Variants in CRPPA observed in about 807,000 individuals in gnomAD.
CRPPA encodes the protein D-ribitol-5-phosphate cytidylyltransferase.
A neutral mutation model predicts 52.0 loss-of-function variants in CRPPA; 43 were observed. The ratio of observed to expected loss-of-function variants is 0.83; its 90% confidence interval spans 0.65 to 1.07. The LOEUF (loss-of-function observed/expected upper bound fraction) is 1.07, where lower values mean the gene tolerates loss of function less well. Among genes scored for constraint, CRPPA ranks in the 50% least tolerant of loss-of-function variants. CRPPA has a pLI of 0.00. For synonymous variants in CRPPA, 250 were observed against 203.5 expected, an observed-to-expected ratio of 1.23 and a Z score of -1.94; for missense variants, 629 against 551.7, an observed-to-expected ratio of 1.14 and a Z score of -1.40.
intron 9 of CRPPA, among the ~76,000 whole-genome samples, chr7:16,201,159 A>G (rs540832280): frequency 3.2e-4 from 48 of 152,338 alleles, no homozygotes; most frequent in African/African-American, 1.1e-3. Context: ...TTCATAAAAT[A>G]TAGCATTTGA....
At chr7:16,191,192 T>C (rs1289302287) in intron 9 of CRPPA, among the ~76,000 whole-genome samples, 1 of 152,098 alleles carries the variant, frequency 6.6e-6, no homozygotes, top group Non-Finnish European at 1.5e-5. Context: ...GATCTACTTT[T>C]AGAAGAACCA....
chr7:16,189,884 T>G (rs1340542587), intron 9 of CRPPA, among the ~76,000 whole-genome samples: 2 of 152,200 alleles, frequency 1.3e-5, no homozygotes, highest in African/African-American at 2.4e-5. Flanking sequence ...AATATGTCAT[T>G]GCTTTAGTCT....
At chr7:16,097,661 G>A (rs1781961648) in intron 9 of CRPPA, among the ~76,000 whole-genome samples, 3 of 152,156 alleles carry the variant, frequency 2.0e-5, no homozygotes, top group African/African-American at 7.2e-5. Context: ...CTTTTGTGAT[G>A]ACTATATCCA....
chr7:16,336,813 A>C (rs1176213588), intron 3 of CRPPA, among the ~76,000 whole-genome samples: 3 of 152,144 alleles, frequency 2.0e-5, no homozygotes, highest in African/African-American at 7.2e-5. Flanking sequence ...ACATGAATAA[A>C]AAACAAAAGA....
chr7:16,266,616 T>A (rs1783960465), intron 6 of CRPPA, among the ~76,000 whole-genome samples: 1 of 151,950 alleles, frequency 6.6e-6, no homozygotes, highest in Non-Finnish European at 1.5e-5. Flanking sequence ...GTAGCTGGGA[T>A]TACAGGTGCT....
intron 9 of CRPPA, among the ~76,000 whole-genome samples, chr7:16,166,295 T>C (rs1205118493): frequency 6.6e-6 from 1 of 152,142 alleles, no homozygotes; most frequent in East Asian, 1.9e-4. Flanking sequence ...CTTTTTTTTT[T>C]TTGAGATAGA....
chr7:16,117,914 G>GTGAC (rs1407517864), intron 9 of CRPPA, among the ~76,000 whole-genome samples: 1 of 152,148 alleles, frequency 6.6e-6, no homozygotes, highest in Non-Finnish European at 1.5e-5. Flanking sequence ...GAGTCCTAGA[G>GTGAC]TGACTGTCTC....
chr7:16,164,091 C>A (rs550279464), intron 9 of CRPPA, among the ~76,000 whole-genome samples: 13 of 152,270 alleles, frequency 8.5e-5, no homozygotes, highest in African/African-American at 3.1e-4. Flanking sequence ...TGGATAATAT[C>A]CTGAAATGTG....
chr7:16,102,878 AT>A (rs1406247393), intron 9 of CRPPA, among the ~76,000 whole-genome samples: 1 of 152,186 alleles, frequency 6.6e-6, no homozygotes, highest in Non-Finnish European at 1.5e-5. Context: ...TAGTTCAACC[AT>A]TGTGGAAGAC....
intron 9 of CRPPA, among the ~76,000 whole-genome samples, chr7:16,165,241 T>C (rs916379142): frequency 1.2e-4 from 18 of 150,486 alleles, no homozygotes; most frequent in African/African-American, 3.9e-4. Context: ...AAAAAAAACA[T>C]TTTGGACATT....
intron 9 of CRPPA, among the ~76,000 whole-genome samples, chr7:16,187,505 C>T (rs1011579633): frequency 6.6e-6 from 1 of 152,188 alleles, no homozygotes; most frequent in Admixed American, 6.5e-5. Flanking sequence ...CTAACTTTTG[C>T]TTGTCAATAA....
At chr7:16,148,945 G>A (rs1174137275) in intron 9 of CRPPA, among the ~76,000 whole-genome samples, 1 of 152,046 alleles carries the variant, frequency 6.6e-6, no homozygotes, top group Non-Finnish European at 1.5e-5. Context: ...TGTACATTAT[G>A]TATTAACTAA....
intron 8 of CRPPA, among the ~76,000 whole-genome samples, chr7:16,219,657 A>T (rs1396229419): frequency 8.8e-6 from 1 of 113,048 alleles, no homozygotes; most frequent in South Asian, 3.0e-4. Context: ...AGAGAATACT[A>T]CAAACACCTC....
intron 9 of CRPPA, among the ~76,000 whole-genome samples, chr7:16,106,531 AGGT>A (rs1221308058): frequency 6.6e-6 from 1 of 152,178 alleles, no homozygotes; most frequent in Non-Finnish European, 1.5e-5. Flanking sequence ...TTTGAGCAAA[AGGT>A]GGTGACTCAG....
At chr7:16,144,864 C>CCTG (rs1782943821) in intron 9 of CRPPA, among the ~76,000 whole-genome samples, 1 of 152,162 alleles carries the variant, frequency 6.6e-6, no homozygotes, top group Admixed American at 6.5e-5. Flanking sequence ...AGGTAAAATA[C>CCTG]CTGTGTCAGT....
intron 3 of CRPPA, among the ~76,000 whole-genome samples, chr7:16,370,420 T>C (rs1786718248): frequency 6.6e-6 from 1 of 152,132 alleles, no homozygotes; most frequent in Non-Finnish European, 1.5e-5. Context: ...AACCCACTGC[T>C]GGGAGACTTG....
intron 3 of CRPPA, among the ~76,000 whole-genome samples, chr7:16,329,641 T>C (rs1228727989): frequency 6.6e-6 from 1 of 152,158 alleles, no homozygotes; most frequent in East Asian, 1.9e-4. Context: ...CTGCCTAATC[T>C]TTGCCTCTCA....
intron 6 of CRPPA, among the ~76,000 whole-genome samples, chr7:16,274,223 G>C (rs140036716): frequency 0.013 from 2,019 of 151,986 alleles, 43 homozygotes; most frequent in African/African-American, 0.046. Flanking sequence ...CTAATTTTTT[G>C]TATTTTTAGT....
intron 3 of CRPPA, among the ~76,000 whole-genome samples, chr7:16,328,664 G>A (rs985205233): frequency 2.0e-5 from 3 of 152,216 alleles, no homozygotes; most frequent in African/African-American, 7.2e-5. Flanking sequence ...ACAGGCACAT[G>A]CCACCACGCC....
Sources: gnomAD v4.1 joint callset for allele counts (sites outside exome capture counted in the v4.1 genomes callset) on GRCh38, gnomAD v4.1.1 for gene constraint, MANE v1.5 for transcripts, NCBI Gene and HGNC (gene_info 2026-07-23, HGNC 2026-07-21) for gene names.